Variants in ADAM2 observed in about 807,000 individuals in gnomAD.
ADAM2 encodes the protein disintegrin and metalloproteinase domain-containing protein 2.
A neutral mutation model predicts 99.3 loss-of-function variants in ADAM2; 101 were observed. The ratio of observed to expected loss-of-function variants is 1.02; its 90% CI spans 0.87 to 1.20. The LOEUF is 1.20. ADAM2 is among the 50% of genes most tolerant of loss of function. The pLI is 0.00. For missense variants in ADAM2, 948 were observed against 878.7 expected, an observed-to-expected ratio of 1.08 and a Z score of -1.00; for synonymous variants, 323 against 287.6, an observed-to-expected ratio of 1.12 and a Z score of -1.25.
At chr8:39,769,331 T>G (rs956353027) in intron 12 of ADAM2, 61 bp downstream of exon 12, 1 of 1,344,682 alleles carries the variant, frequency 7.4e-7, no homozygotes, top group African/African-American at 1.5e-5. Flanking sequence ...AGTTTCTCAC[T>G]CGAATTAATA....
At chr8:39,772,845 A>T (rs573260854) in intron 11 of ADAM2, among the ~76,000 whole-genome samples, 3 of 151,924 alleles carry the variant, frequency 2.0e-5, no homozygotes, top group Non-Finnish European at 4.4e-5. Flanking sequence ...TTTGTATTTT[A>T]AAAAAAGTAC....
At chr8:39,758,378 A>G (rs1802229904) in intron 15 of ADAM2, among the ~76,000 whole-genome samples, 1 of 152,126 alleles carries the variant, frequency 6.6e-6, no homozygotes, top group Non-Finnish European at 1.5e-5. Flanking sequence ...TGTATATTAT[A>G]TGTAATGAAA....
At chr8:39,778,346 GC>G (rs1311136013) in intron 10 of ADAM2, among the ~76,000 whole-genome samples, 2 of 151,936 alleles carry the variant, frequency 1.3e-5, no homozygotes, top group African/African-American at 4.8e-5. Flanking sequence ...GGGATGCTTT[GC>G]CCTTGAGTTT....
intron 7 of ADAM2, among the ~76,000 whole-genome samples, chr8:39,795,980 G>C (rs1803921302): frequency 6.6e-6 from 1 of 151,906 alleles, no homozygotes; most frequent in Non-Finnish European, 1.5e-5. Context: ...ATTATCTTTA[G>C]TAGAAATGGG....
intron 11 of ADAM2, among the ~76,000 whole-genome samples, chr8:39,770,258 T>C (rs536063189): frequency 5.1e-4 from 78 of 152,306 alleles, no homozygotes; most frequent in African/African-American, 1.8e-3. Flanking sequence ...AGGCTTTTCT[T>C]TTTTTAAGAA....
At chr8:39,779,260 G>C (rs1803122593) in intron 10 of ADAM2, among the ~76,000 whole-genome samples, 1 of 152,086 alleles carries the variant, frequency 6.6e-6, no homozygotes, top group Non-Finnish European at 1.5e-5. Context: ...CATCTGCTGA[G>C]ACCTTTTTGG....
chr8:39,834,732 CAAAAAAAAA>C (rs79431764), intron 2 of ADAM2, among the ~76,000 whole-genome samples: 7 of 52,962 alleles, frequency 1.3e-4, no homozygotes, highest in Admixed American at 2.4e-4. Context: ...AAGACTCCAT[CAAAAAAAAA>C]AAAAAAAAAA....
chr8:39,815,603 G>A (rs1804910649), intron 6 of ADAM2, among the ~76,000 whole-genome samples: 1 of 152,142 alleles, frequency 6.6e-6, no homozygotes, highest in Non-Finnish European at 1.5e-5. Flanking sequence ...AATCAACTTG[G>A]CAAGCACTTC....
At chr8:39,809,648 T>G (rs1423756860) in intron 6 of ADAM2, among the ~76,000 whole-genome samples, 182 bp from the exon 7 acceptor site, 2 of 152,216 alleles carry the variant, frequency 1.3e-5, no homozygotes, top group Non-Finnish European at 2.9e-5. Flanking sequence ...CACTTTTCTG[T>G]ACCTAATCAA....
intron 11 of ADAM2, 118 bp from the exon 12 acceptor site, chr8:39,769,693 C>T (rs1007451840): frequency 4.8e-6 from 3 of 623,220 alleles, no homozygotes; most frequent in Non-Finnish European, 5.6e-6. Flanking sequence ...CTGTGAGTGT[C>T]AATGCTTTCA....
rs370546728 is a variant in ADAM2, at chr8:39,761,177, C to T, written c.1612G>A (p.Asp538Asn). 26 of 1,535,902 alleles carry T rather than the reference C, an allele frequency of 1.7e-5. No individual in the cohort carries two copies. In the African/African-American group the frequency reaches 3.2e-4, roughly 19 times the overall value. The change falls in exon 15 of 21, where the codon GAC becomes AAC. Residue 538 changes from aspartate (D) to asparagine (N), a missense_variant and splice_region_variant. Coordinates refer to ENST00000265708, the MANE Select transcript of ADAM2 (RefSeq NM_001464.5). ...SDSGYTQCEA[D>N]NLQCGKLICK... Reference sequence around the variant, plus strand: ...TAAGACAGATTTCTGAAAACATACTCAGCTTCACACTGTGTGTATCCTGAA... The same window carrying T: ...TAAGACAGATTTCTGAAAACATACTTAGCTTCACACTGTGTGTATCCTGAA...
chr8:39,825,634 A>C (rs1195895986), intron 3 of ADAM2, among the ~76,000 whole-genome samples: 1 of 152,070 alleles, frequency 6.6e-6, no homozygotes, highest in Non-Finnish European at 1.5e-5. Context: ...AAAAAAAAAG[A>C]CTAACAAAAG....
chr8:39,830,980 T>C (rs1448039685), intron 3 of ADAM2, among the ~76,000 whole-genome samples: 1 of 152,152 alleles, frequency 6.6e-6, no homozygotes, highest in Non-Finnish European at 1.5e-5. Context: ...TTCTACTGTA[T>C]GAGGGCACAG....
intron 18 of ADAM2, among the ~76,000 whole-genome samples, chr8:39,747,960 T>C (rs979088752): frequency 6.6e-6 from 1 of 152,198 alleles, no homozygotes; most frequent in Non-Finnish European, 1.5e-5. Flanking sequence ...ATATTTCTAT[T>C]ACACAACATA....
At position 39,789,410 on chromosome 8, in the gene ADAM2, C is replaced by T. The variant is rs114745433; in HGVS notation, c.571-670G>A. Among the ~76,000 whole-genome samples, 1,092 of 151,764 alleles carry T rather than the reference C, an allele frequency of 7.2e-3. 16 individuals carry two copies. The highest frequency in any genetic ancestry group is 0.025 in the African/African-American group (1,041 of 41,498). ...TATAGCACATTTCACTACAAAACAG[C>T]AAATATGCGTTTTTTAAGTGCCCAT... On this transcript the variant is annotated intron_variant, in intron 7 of 20. Coordinates refer to ENST00000265708, the MANE Select transcript of ADAM2 (RefSeq NM_001464.5).
rs949213754 is a variant in ADAM2, at chr8:39,756,028, A to G, written c.1614-117T>C. On this transcript the variant is annotated intron_variant, in intron 15 of 20. Transcript: ENST00000265708. ...TCAAGGTTTGCAAGCTAATACATGC[A>G]ATTCGTTTTAAAACACCAAAAAAAG... 1.5e-5 allele frequency: 8 copies of G among 543,894 alleles called. No homozygotes were observed. In the Admixed American group the frequency reaches 2.8e-4, roughly 19 times the overall value. 33.7% of individuals were successfully genotyped at this position (543,894 alleles called of 1,614,324 possible).
intron 14 of ADAM2, among the ~76,000 whole-genome samples, chr8:39,764,872 G>T (rs762579622): frequency 6.6e-6 from 1 of 151,750 alleles, no homozygotes; most frequent in Non-Finnish European, 1.5e-5. Context: ...AAAATTAGCC[G>T]GGTGTGGTGG....
At chr8:39,826,880 A>G (rs1207580738) in intron 3 of ADAM2, among the ~76,000 whole-genome samples, 2 of 152,156 alleles carry the variant, frequency 1.3e-5, no homozygotes, top group Non-Finnish European at 2.9e-5. Context: ...CAAAACCAAA[A>G]CTAGACAAAA....
chr8:39,784,280 C>T (rs576342037), intron 10 of ADAM2, among the ~76,000 whole-genome samples: 7 of 152,272 alleles, frequency 4.6e-5, no homozygotes, highest in South Asian at 4.1e-4. Context: ...TTCCAATTGT[C>T]GTTACTAAAG....
Sources: gnomAD v4.1 joint callset for allele counts (sites outside exome capture counted in the v4.1 genomes callset) on GRCh38, gnomAD v4.1.1 for gene constraint, MANE v1.5 for transcripts, NCBI Gene and HGNC (gene_info 2026-07-23, HGNC 2026-07-21) for gene names.